Variants in BCKDHB observed in about 807,000 individuals in gnomAD.
BCKDHB encodes the protein 2-oxoisovalerate dehydrogenase subunit beta, mitochondrial.
In BCKDHB, 41 loss-of-function variants were observed where a neutral mutation model predicts 48.5. The ratio of observed to expected loss-of-function variants is 0.85; its 90% CI spans 0.66 to 1.10. BCKDHB has a LOEUF of 1.10. BCKDHB is among the 50% of genes least tolerant of loss of function. The pLI is 0.00. For synonymous variants in BCKDHB, 201 were observed against 174.8 expected (o/e 1.15, Z -1.18); for missense variants, 496 against 494.2 (o/e 1.00, Z -0.03).
intron 8 of BCKDHB, among the ~76,000 whole-genome samples, chr6:80,209,264 A>G (rs1482184302): frequency 6.6e-6 from 1 of 151,910 alleles, no homozygotes; most frequent in East Asian, 1.9e-4. Context: ...GTCTAGGGAA[A>G]AATTTCGTGA....
chr6:80,158,420 T>C (rs1772156164), intron 3 of BCKDHB, among the ~76,000 whole-genome samples: 1 of 152,140 alleles, frequency 6.6e-6, no homozygotes, highest in Non-Finnish European at 1.5e-5. Context: ...CAATGCTTCT[T>C]GGAGGTAACA....
the BCKDHB span, among the ~76,000 whole-genome samples, chr6:80,446,802 T>C: frequency 6.9e-6 from 1 of 145,142 alleles, no homozygotes; most frequent in Admixed American, 7.9e-5. Flanking sequence ...GTGGGAAAAT[T>C]TATCACAGGC....
chr6:80,256,235 T>A (rs548081610), intron 8 of BCKDHB, among the ~76,000 whole-genome samples: 2 of 152,308 alleles, frequency 1.3e-5, no homozygotes, highest in Admixed American at 1.3e-4. Flanking sequence ...AGGAGTACAT[T>A]CTGAGAAACA....
chr6:80,458,247 G>A, the BCKDHB span, among the ~76,000 whole-genome samples: 1 of 152,186 alleles, frequency 6.6e-6, no homozygotes, highest in Non-Finnish European at 1.5e-5. Flanking sequence ...TTCTTGGAGA[G>A]AAGAAATGCA....
At chr6:80,377,040 A>T in the BCKDHB span, among the ~76,000 whole-genome samples, 2 of 133,276 alleles carry the variant, frequency 1.5e-5, no homozygotes, top group African/African-American at 5.5e-5. Context: ...AAGGCTTTTA[A>T]TTTTTTTTTT....
the BCKDHB span, among the ~76,000 whole-genome samples, chr6:80,384,345 CTTCTTTT>C: frequency 1.3e-4 from 2 of 15,152 alleles, no homozygotes; most frequent in African/African-American, 1.6e-4. Context: ...TCTTCTTCTT[CTTCTTTT>C]TTTTTTTTTT....
the BCKDHB span, among the ~76,000 whole-genome samples, chr6:80,413,949 C>G: frequency 6.6e-6 from 1 of 152,154 alleles, no homozygotes; most frequent in Non-Finnish European, 1.5e-5. Flanking sequence ...TCTCTGCAAC[C>G]TTGTCAGCAT....
At chr6:80,223,593 C>A (rs1337719153) in intron 8 of BCKDHB, among the ~76,000 whole-genome samples, 2 of 152,032 alleles carry the variant, frequency 1.3e-5, no homozygotes, top group Non-Finnish European at 2.9e-5. Flanking sequence ...ACCATTAATT[C>A]TGATACTATT....
intron 9 of BCKDHB, among the ~76,000 whole-genome samples, chr6:80,293,452 C>T (rs553395600): frequency 2.8e-4 from 42 of 152,314 alleles, no homozygotes; most frequent in Non-Finnish European, 5.1e-4. Context: ...GGCTAGAATG[C>T]AGGGCATCAA....
At chr6:80,124,756 CT>C (rs1031949610) in intron 1 of BCKDHB, among the ~76,000 whole-genome samples, 5 of 151,608 alleles carry the variant, frequency 3.3e-5, no homozygotes, top group South Asian at 2.1e-4. Context: ...TGAAAGGAAT[CT>C]TTTTTTTTCC....
chr6:80,352,104 G>A, the BCKDHB span, among the ~76,000 whole-genome samples: 27 of 151,468 alleles, frequency 1.8e-4, no homozygotes, highest in Non-Finnish European at 3.5e-4. Context: ...GATTACAGGC[G>A]TTAGCCACTG....
intron 9 of BCKDHB, among the ~76,000 whole-genome samples, chr6:80,325,831 T>C (rs1160697715): frequency 4.6e-5 from 7 of 152,114 alleles, no homozygotes; most frequent in Non-Finnish European, 7.4e-5. Context: ...CAAATTTCAG[T>C]TGAGGGATAT....
intron 8 of BCKDHB, among the ~76,000 whole-genome samples, chr6:80,269,479 T>TTCA (rs1777644939): frequency 6.6e-6 from 1 of 152,146 alleles, no homozygotes; most frequent in Admixed American, 6.5e-5. Flanking sequence ...AGAGGAGTTA[T>TTCA]TCAGGGTCCT....
intron 6 of BCKDHB, among the ~76,000 whole-genome samples, chr6:80,185,457 T>G (rs1053611389): frequency 3.3e-5 from 5 of 152,198 alleles, no homozygotes; most frequent in African/African-American, 9.7e-5. Context: ...AATCTATTGT[T>G]GGAGAGCGAG....
chr6:80,424,591 A>AT, the BCKDHB span, among the ~76,000 whole-genome samples: 1 of 152,180 alleles, frequency 6.6e-6, no homozygotes, highest in Non-Finnish European at 1.5e-5. Flanking sequence ...TTTATTTTTA[A>AT]TACTATTTTT....
intron 8 of BCKDHB, among the ~76,000 whole-genome samples, chr6:80,216,921 GT>G (rs1775199233): frequency 6.6e-6 from 1 of 152,094 alleles, no homozygotes. Context: ...ATGTACAAAG[GT>G]TTAACAAAAG....
chr6:80,199,057 T>G (rs145810065), intron 6 of BCKDHB, among the ~76,000 whole-genome samples: 1 of 152,192 alleles, frequency 6.6e-6, no homozygotes, highest in Non-Finnish European at 1.5e-5. Flanking sequence ...ACTGCTCTTC[T>G]GTGTCATCAG....
the BCKDHB span, among the ~76,000 whole-genome samples, chr6:80,381,020 A>G: frequency 6.6e-6 from 1 of 151,958 alleles, no homozygotes; most frequent in Non-Finnish European, 1.5e-5. Context: ...TCATATCTGT[A>G]TCAGGGAAAC....
chr6:80,326,222 G>C (rs1464429198), intron 9 of BCKDHB, among the ~76,000 whole-genome samples: 1 of 152,094 alleles, frequency 6.6e-6, no homozygotes, highest in Non-Finnish European at 1.5e-5. Context: ...AAGATGTGGG[G>C]ATACATTTTT....
Sources: allele counts gnomAD v4.1 joint callset (sites outside exome capture counted in the v4.1 genomes callset), GRCh38; gene constraint gnomAD v4.1.1; transcripts MANE v1.5; gene names NCBI Gene and HGNC (gene_info 2026-07-23, HGNC 2026-07-21).